The following OR7E24 variants were observed in gnomAD, a reference collection of about 807,000 sequenced individuals.
OR7E24 encodes olfactory receptor family 7 subfamily E member 24, also known as olfactory receptor 7E24.
For missense variants in OR7E24, 385 were observed against 410.3 expected (o/e 0.94, Z 0.53); for synonymous variants, 130 against 157.5 (o/e 0.83, Z 1.31).
the OR7E24 span, among the ~76,000 whole-genome samples, chr19:9,229,614 TAAAG>T: frequency 6.6e-5 from 10 of 152,024 alleles, no homozygotes; most frequent in Non-Finnish European, 1.5e-4. Context: ...TAAATCCAAC[TAAAG>T]AAAGAGTTTC....
the OR7E24 span, chr19:9,209,092 A>G: frequency 6.6e-6 from 1 of 152,208 alleles, no homozygotes; most frequent in African/African-American, 2.4e-5. Flanking sequence ...ATGATGGATT[A>G]ATACCTTGTG....
At chr19:9,235,425 C>A in the OR7E24 span, 6 of 1,605,154 alleles carry the variant, frequency 3.7e-6, no homozygotes, top group Non-Finnish European at 5.1e-6. Context: ...ACATCTCCTA[C>A]ATGGGGTGCC....
chr19:9,245,782 T>A (rs760291779), upstream of OR7E24, among the ~76,000 whole-genome samples: 11 of 152,124 alleles, frequency 7.2e-5, no homozygotes, highest in Non-Finnish European at 1.5e-4. Flanking sequence ...CAATAGACAA[T>A]CACGAAAACG....
At chr19:9,235,332 C>T in the OR7E24 span, 13 of 1,322,928 alleles carry the variant, frequency 9.8e-6, no homozygotes, top group East Asian at 2.5e-4. Flanking sequence ...AATTCTTCCT[C>T]TCCAACTTGT....
At chr19:9,239,641 A>G in the OR7E24 span, among the ~76,000 whole-genome samples, 3 of 150,728 alleles carry the variant, frequency 2.0e-5, no homozygotes, top group Non-Finnish European at 4.4e-5. Context: ...CTATTTTCCA[A>G]TCAGGTTGTT....
At chr19:9,226,672 A>G in the OR7E24 span, among the ~76,000 whole-genome samples, 1 of 152,252 alleles carries the variant, frequency 6.6e-6, no homozygotes, top group East Asian at 1.9e-4. Flanking sequence ...ATGTTAGCAC[A>G]GGTCTTTGAA....
At chr19:9,250,849 T>C (rs897322189), upstream of OR7E24, 1 of 510,540 alleles carries the variant, frequency 2.0e-6, no homozygotes, top group East Asian at 3.2e-5. Flanking sequence ...CTAACATTCT[T>C]CAATAGACTG....
At chr19:9,218,074 G>C in the OR7E24 span, among the ~76,000 whole-genome samples, 2 of 152,118 alleles carry the variant, frequency 1.3e-5, no homozygotes, top group Non-Finnish European at 2.9e-5. Context: ...TTTAGTTTTA[G>C]ACAGTGGTTG....
chr19:9,227,293 G>A, the OR7E24 span, among the ~76,000 whole-genome samples: 2 of 150,692 alleles, frequency 1.3e-5, no homozygotes, highest in Non-Finnish European at 2.9e-5. Context: ...GCAGTGGCAC[G>A]ATCTCGGCTC....
chr19:9,207,282 T>C, the OR7E24 span: 1 of 152,200 alleles, frequency 6.6e-6, no homozygotes, highest in East Asian at 1.9e-4. Context: ...ATAACTGATT[T>C]TTAAAAATTT....
the OR7E24 span, among the ~76,000 whole-genome samples, chr19:9,232,885 A>T: frequency 6.6e-6 from 1 of 152,198 alleles, no homozygotes; most frequent in African/African-American, 2.4e-5. Flanking sequence ...AAAAATGATG[A>T]AAGAAAACAC....
upstream of OR7E24, among the ~76,000 whole-genome samples, chr19:9,242,503 G>A (rs1320194758): frequency 1.3e-5 from 2 of 152,140 alleles, no homozygotes; most frequent in East Asian, 1.9e-4. Flanking sequence ...ACCTGCCTCG[G>A]CCTCCCAAAG....
At chr19:9,214,017 G>A in the OR7E24 span, 2 of 1,614,122 alleles carry the variant, frequency 1.2e-6, no homozygotes, top group African/African-American at 1.3e-5. Flanking sequence ...CATCACTGAG[G>A]CGGTGGAGCT....
the OR7E24 span, chr19:9,235,355 C>T: frequency 1.4e-6 from 2 of 1,400,892 alleles, no homozygotes; most frequent in South Asian, 2.3e-5. Context: ...TTTGTGGACA[C>T]CTGTTTCATC....
At chr19:9,222,556 G>A in the OR7E24 span, among the ~76,000 whole-genome samples, 1 of 151,986 alleles carries the variant, frequency 6.6e-6, no homozygotes, top group Admixed American at 6.6e-5. Context: ...ATTTTTGGGG[G>A]TACCAATTAT....
the OR7E24 span, among the ~76,000 whole-genome samples, chr19:9,223,478 C>T: frequency 6.6e-6 from 1 of 152,142 alleles, no homozygotes; most frequent in Admixed American, 6.5e-5. Flanking sequence ...ATCTACATAC[C>T]TGTCTACACT....
the OR7E24 span, among the ~76,000 whole-genome samples, chr19:9,230,386 T>C: frequency 3.3e-5 from 5 of 152,184 alleles, no homozygotes; most frequent in Non-Finnish European, 7.3e-5. Context: ...TTTTCACCAA[T>C]ACCAGTCTTT....
the OR7E24 span, chr19:9,212,327 C>T: frequency 6.6e-6 from 1 of 152,074 alleles, no homozygotes; most frequent in Admixed American, 6.6e-5. Flanking sequence ...CAACCTCTGC[C>T]ACCTGAGTTT....
chr19:9,247,991 A>G (rs907981555), upstream of OR7E24, among the ~76,000 whole-genome samples: 1 of 152,072 alleles, frequency 6.6e-6, no homozygotes, highest in African/African-American at 2.4e-5. Context: ...TTCTTGGTGT[A>G]GTTTCTTTGT....
Sources: allele counts gnomAD v4.1 joint callset (sites outside exome capture counted in the v4.1 genomes callset), GRCh38; gene constraint gnomAD v4.1.1; transcripts MANE v1.5; gene names NCBI Gene and HGNC (gene_info 2026-07-23, HGNC 2026-07-21).